The following LINGO2 variants were observed in gnomAD, a reference collection of about 807,000 sequenced individuals.
LINGO2 encodes leucine-rich repeat and immunoglobulin-like domain-containing nogo receptor-interacting protein 2.
Under a neutral mutation model 30.6 loss-of-function variants are expected in LINGO2, and 14 were observed. The observed-to-expected ratio is 0.46, with a 90% CI of 0.30 to 0.72. The LOEUF (loss-of-function observed/expected upper bound fraction) is 0.72. Among genes scored for constraint, LINGO2 ranks in the 30% least tolerant of loss-of-function variants. The probability of loss-of-function intolerance (pLI) is 0.07; values close to 1 mark genes in which losing one functional copy is unlikely to be tolerated. For missense variants in LINGO2, 729 were observed against 751.7 expected, an observed-to-expected ratio of 0.97 and a Z score of 0.35; for synonymous variants, 317 against 288.5, an observed-to-expected ratio of 1.10 and a Z score of -1.00.
chr9:28,118,317 C>T (rs766801779), intron 4 of LINGO2, among the ~76,000 whole-genome samples: 1 of 152,146 alleles, frequency 6.6e-6, no homozygotes, highest in Non-Finnish European at 1.5e-5. Flanking sequence ...GCCTGTCTTA[C>T]TTCTAAATGA....
At chr9:28,701,689 G>C in the LINGO2 span, among the ~76,000 whole-genome samples, 1 of 151,542 alleles carries the variant, frequency 6.6e-6, no homozygotes, top group African/African-American at 2.4e-5. Flanking sequence ...AACATGTTGG[G>C]ATTTGACTGG....
At chr9:29,188,591 C>T in the LINGO2 span, among the ~76,000 whole-genome samples, 7 of 152,186 alleles carry the variant, frequency 4.6e-5, no homozygotes, top group Non-Finnish European at 8.8e-5. Flanking sequence ...CTGTTGGGTA[C>T]ACCTCCCAGA....
chr9:28,424,319 C>T (rs1296221792), intron 2 of LINGO2, among the ~76,000 whole-genome samples: 1 of 152,120 alleles, frequency 6.6e-6, no homozygotes, highest in Non-Finnish European at 1.5e-5. Context: ...TCAGCTTCTA[C>T]TCTTGGTTTG....
intron 4 of LINGO2, among the ~76,000 whole-genome samples, chr9:28,042,752 T>C (rs1824252051): frequency 6.6e-6 from 1 of 152,214 alleles, no homozygotes. Context: ...TCATCTTATA[T>C]TCTTTATTCT....
chr9:28,768,613 GACACACACACACACACACACAC>G, the LINGO2 span, among the ~76,000 whole-genome samples: 1 of 144,408 alleles, frequency 6.9e-6, no homozygotes, highest in East Asian at 2.0e-4. Context: ...GACAGACTGG[GACACACACACACACACACACAC>G]ACACACACAC....
At chr9:28,848,991 A>C in the LINGO2 span, among the ~76,000 whole-genome samples, 2 of 152,070 alleles carry the variant, frequency 1.3e-5, no homozygotes, top group Non-Finnish European at 2.9e-5. Context: ...TAAACAGACC[A>C]AGTTACATAT....
At chr9:28,265,683 C>A (rs371172763) in intron 4 of LINGO2, among the ~76,000 whole-genome samples, 3 of 151,894 alleles carry the variant, frequency 2.0e-5, no homozygotes, top group Admixed American at 1.3e-4. Context: ...ATGTTACAAA[C>A]TGGTGATTCT....
the LINGO2 span, chr9:27,938,215 A>T: frequency 6.6e-6 from 1 of 152,210 alleles, no homozygotes; most frequent in African/African-American, 2.4e-5. Context: ...AGTCAATGAC[A>T]TTAAAGATAA....
chr9:28,622,140 G>C (rs1169535563), intron 1 of LINGO2, among the ~76,000 whole-genome samples: 1 of 151,956 alleles, frequency 6.6e-6, no homozygotes, highest in Non-Finnish European at 1.5e-5. Context: ...CCTCTCAACT[G>C]TGTTACAAAC....
chr9:28,188,997 T>A (rs1265860636), intron 4 of LINGO2, among the ~76,000 whole-genome samples: 3 of 152,036 alleles, frequency 2.0e-5, no homozygotes, highest in Non-Finnish European at 2.9e-5. Context: ...AGAAGACAAG[T>A]CTAAAAGTTT....
the LINGO2 span, among the ~76,000 whole-genome samples, chr9:28,953,108 G>C: frequency 1.1e-4 from 16 of 152,108 alleles, no homozygotes; most frequent in Non-Finnish European, 2.9e-5. Flanking sequence ...CACTCTACAA[G>C]AGTTAAATAT....
At chr9:28,182,299 A>G (rs1819374960) in intron 4 of LINGO2, among the ~76,000 whole-genome samples, 1 of 152,232 alleles carries the variant, frequency 6.6e-6, no homozygotes, top group Non-Finnish European at 1.5e-5. Context: ...CTTACACTTT[A>G]TACAAAAATT....
chr9:28,428,464 T>C (rs370379040), intron 2 of LINGO2, among the ~76,000 whole-genome samples: 2 of 152,164 alleles, frequency 1.3e-5, no homozygotes, highest in African/African-American at 2.4e-5. Flanking sequence ...CAAAAGTAGG[T>C]TATTTTCATG....
the LINGO2 span, among the ~76,000 whole-genome samples, chr9:28,753,928 C>A: frequency 2.0e-5 from 3 of 151,634 alleles, no homozygotes; most frequent in African/African-American, 7.3e-5. Context: ...GAATGTTTTG[C>A]ATTACAATAA....
intron 4 of LINGO2, among the ~76,000 whole-genome samples, chr9:28,232,872 G>T (rs1279493818): frequency 3.3e-5 from 5 of 151,194 alleles, no homozygotes; most frequent in Non-Finnish European, 5.9e-5. Flanking sequence ...AAAAAAAAAG[G>T]CATGTCAACT....
At chr9:28,560,081 GAAAA>G (rs57723247) in intron 1 of LINGO2, among the ~76,000 whole-genome samples, 2 of 123,490 alleles carry the variant, frequency 1.6e-5, no homozygotes, top group African/African-American at 2.9e-5. Context: ...TATTTAGGAG[GAAAA>G]AAAAAAAAAA....
intron 4 of LINGO2, among the ~76,000 whole-genome samples, chr9:28,137,074 G>A (rs1587061521): frequency 6.6e-6 from 1 of 151,954 alleles, no homozygotes; most frequent in African/African-American, 2.4e-5. Context: ...CTATACCACT[G>A]GCTGCCCTGG....
intron 4 of LINGO2, among the ~76,000 whole-genome samples, chr9:28,043,342 A>C (rs1160932396): frequency 6.6e-6 from 1 of 152,198 alleles, no homozygotes; most frequent in Non-Finnish European, 1.5e-5. Flanking sequence ...CAACACTCAC[A>C]CATGAATAAC....
At position 28,054,381 on chromosome 9, in the gene LINGO2, A is replaced by T. The variant is rs371538552; in HGVS notation, c.-86-41976T>A. Among the ~76,000 whole-genome samples the T allele has an allele frequency of 1.2e-4, 18 of 152,258 alleles. No homozygotes were observed. The East Asian group carries it at 2.3e-3, about 20-fold the overall frequency. On this transcript the variant is annotated intron_variant, in intron 4 of 5. Transcript: ENST00000379992. ...CTTAGATGCTACAAGATGCCGAAAG[A>T]TCAGTAGTAGCTGATGAGATGGAAC...
Sources: allele counts gnomAD v4.1 joint callset (sites outside exome capture counted in the v4.1 genomes callset), GRCh38; gene constraint gnomAD v4.1.1; transcripts MANE v1.5; gene names NCBI Gene and HGNC (gene_info 2026-07-23, HGNC 2026-07-21).